The following ARHGEF33 variants were observed in gnomAD, a reference collection of about 807,000 sequenced individuals.
ARHGEF33 encodes the protein Rho guanine nucleotide exchange factor 33, also known as DH and coiled-coil domain-containing protein ENSP00000381780.
A neutral mutation model predicts 101.9 loss-of-function variants in ARHGEF33; 72 were observed. The observed-to-expected ratio is 0.71, with a 90% confidence interval of 0.58 to 0.86. The LOEUF (loss-of-function observed/expected upper bound fraction) is 0.86, where lower values mean the gene tolerates loss of function less well. Ranked by LOEUF, ARHGEF33 falls within the 40% of genes least tolerant of loss-of-function variation. The pLI is 0.00. For missense variants in ARHGEF33, 1,169 were observed against 1,111.3 expected, an observed-to-expected ratio of 1.05 and a Z score of -0.74; for synonymous variants, 499 against 442.5, an observed-to-expected ratio of 1.13 and a Z score of -1.60.
At chr2:38,958,551 G>C (rs904555511) in intron 15 of ARHGEF33, among the ~76,000 whole-genome samples, 1 of 152,152 alleles carries the variant, frequency 6.6e-6, no homozygotes, top group Non-Finnish European at 1.5e-5. Context: ...TGCACTCTGC[G>C]TATGGAAAAT....
intron 2 of ARHGEF33, among the ~76,000 whole-genome samples, chr2:38,899,937 C>T (rs558673040): frequency 6.6e-6 from 1 of 152,118 alleles, no homozygotes; most frequent in South Asian, 2.1e-4. Context: ...GACTGTAATC[C>T]TAGCACTTTG....
chr2:38,962,443 A>G (rs781562367), intron 16 of ARHGEF33, among the ~76,000 whole-genome samples: 1 of 152,216 alleles, frequency 6.6e-6, no homozygotes, highest in Non-Finnish European at 1.5e-5. Context: ...AGAAGCAAAC[A>G]ATGAGTAATA....
chr2:38,930,963 G>C, intron 6 of ARHGEF33, 146 bp from the exon 7 acceptor site: 1 of 564,162 alleles, frequency 1.8e-6, no homozygotes, highest in African/African-American at 1.9e-5. Flanking sequence ...GCTAGTATTT[G>C]ACCACTTTTA....
chr2:38,914,233 C>T (rs901736864), intron 2 of ARHGEF33, among the ~76,000 whole-genome samples: 1 of 152,202 alleles, frequency 6.6e-6, no homozygotes, highest in Non-Finnish European at 1.5e-5. Context: ...AAAACACCAA[C>T]ATGTAAGGCT....
chr2:38,911,537 G>A (rs1221406461), intron 2 of ARHGEF33, among the ~76,000 whole-genome samples: 1 of 152,164 alleles, frequency 6.6e-6, no homozygotes, highest in African/African-American at 2.4e-5. Context: ...CAGTCTAGGG[G>A]AGGGTCAGGA....
intron 10 of ARHGEF33, among the ~76,000 whole-genome samples, chr2:38,945,177 G>A (rs1306982156): frequency 6.6e-6 from 1 of 152,100 alleles, no homozygotes; most frequent in Non-Finnish European, 1.5e-5. Context: ...ATTCCATTGG[G>A]TAATATACAC....
At chr2:38,958,292 C>G (rs965936250) in intron 15 of ARHGEF33, 94 bp downstream of exon 15, 8 of 1,456,828 alleles carry the variant, frequency 5.5e-6, no homozygotes, top group Non-Finnish European at 6.5e-6. Flanking sequence ...TTCCTCCATC[C>G]CCTTTCCCCA....
At chr2:38,965,015 C>G (rs1481879649) in intron 16 of ARHGEF33, among the ~76,000 whole-genome samples, 1 of 151,884 alleles carries the variant, frequency 6.6e-6, no homozygotes, top group Non-Finnish European at 1.5e-5. Flanking sequence ...TATCTGCAAC[C>G]CCCAGTTCTC....
chr2:38,956,260 G>A (rs1183419790), intron 13 of ARHGEF33, among the ~76,000 whole-genome samples: 2 of 152,156 alleles, frequency 1.3e-5, no homozygotes, highest in Non-Finnish European at 2.9e-5. Context: ...TACTAGATGT[G>A]TGACCTGATG....
At chr2:38,918,768 G>A (rs1666690570) in intron 2 of ARHGEF33, among the ~76,000 whole-genome samples, 1 of 151,864 alleles carries the variant, frequency 6.6e-6, no homozygotes, top group South Asian at 2.1e-4. Context: ...GGGGCTGGGT[G>A]TGGTGGCTCA....
At chr2:38,923,680 G>A (rs1353135350) in intron 4 of ARHGEF33, among the ~76,000 whole-genome samples, 1 of 152,244 alleles carries the variant, frequency 6.6e-6, no homozygotes, top group East Asian at 1.9e-4. Context: ...ATTACAAGAT[G>A]TCTATATTGC....
chr2:38,938,676 A>T (rs555989549), intron 9 of ARHGEF33, among the ~76,000 whole-genome samples: 1 of 152,330 alleles, frequency 6.6e-6, no homozygotes, highest in East Asian at 1.9e-4. Flanking sequence ...CACCACCCAG[A>T]TCAAGATATA....
chr2:38,917,263 TG>T (rs1666654943), intron 2 of ARHGEF33, among the ~76,000 whole-genome samples: 1 of 151,866 alleles, frequency 6.6e-6, no homozygotes, highest in Admixed American at 6.6e-5. Flanking sequence ...GGCTAATTTT[TG>T]TATTTTTAGT....
In ARHGEF33 at chr2:38,959,853, C is replaced by T. The variant is rs2124422590; in HGVS notation, c.1548C>T (p.Pro516=). ...TTTCCCCCTAAAGACATCTGATGCC[C>T]CCAGTGAAGAAAAGCCAACAGCAGC... The part of the protein sequence containing the change: ...SSGPAITHLM[P]PVKKSQQQQS... The change falls in exon 16 of 18, where the codon CCC becomes CCT. Residue 516 remains proline (P), a synonymous_variant. Coordinates refer to ENST00000409978, the MANE Select transcript of ARHGEF33 (RefSeq NM_001145451.5). 1 of 1,548,890 alleles carries T rather than the reference C, an allele frequency of 6.5e-7. No homozygotes were observed. The highest frequency in any genetic ancestry group is 8.7e-7 in the Non-Finnish European group (1 of 1,144,962).
chr2:38,919,328 A>C, intron 2 of ARHGEF33, 35 bp from the exon 3 acceptor site: 1 of 1,000,774 alleles, frequency 1.0e-6, no homozygotes, highest in Middle Eastern at 2.1e-4. Flanking sequence ...TGACAGTTTT[A>C]CTTGTTATCC....
At chr2:38,895,001 G>A (rs1387222826) in intron 1 of ARHGEF33, among the ~76,000 whole-genome samples, 2 of 152,072 alleles carry the variant, frequency 1.3e-5, no homozygotes, top group African/African-American at 2.4e-5. Flanking sequence ...GCCAAGCTGG[G>A]AATAAACAGA....
intron 2 of ARHGEF33, among the ~76,000 whole-genome samples, chr2:38,911,337 G>A (rs1040631220): frequency 2.6e-5 from 4 of 152,130 alleles, no homozygotes. Flanking sequence ...AATTAGAAAT[G>A]TGCACTAAAG....
chr2:38,918,800 G>A (rs757454822), intron 2 of ARHGEF33, among the ~76,000 whole-genome samples: 3 of 151,754 alleles, frequency 2.0e-5, no homozygotes, highest in Non-Finnish European at 4.4e-5. Context: ...CAGCACTTTG[G>A]GAGGCCGAGG....
Position 38,934,366 on chromosome 2 carries a change from C to A in ARHGEF33, c.506-1409C>A, listed in dbSNP as rs1401821494. Reference sequence around the variant, plus strand: ...ACTTGCCTCTGCTTTTCTCTTCAGACTTATATTTTGTTACCCTCGACTTCT... The same window carrying A: ...ACTTGCCTCTGCTTTTCTCTTCAGAATTATATTTTGTTACCCTCGACTTCT... On this transcript the variant is annotated intron_variant, in intron 7 of 17. Coordinates refer to ENST00000409978, the MANE Select transcript of ARHGEF33 (RefSeq NM_001145451.5). 3.9e-5 allele frequency among the ~76,000 whole-genome samples: 6 copies of A among 152,144 alleles called. No individual in the cohort carries two copies. The South Asian group carries it at 8.3e-4, about 21-fold the overall frequency.
Sources: gnomAD v4.1 joint callset for allele counts (sites outside exome capture counted in the v4.1 genomes callset) on GRCh38, gnomAD v4.1.1 for gene constraint, MANE v1.5 for transcripts, NCBI Gene and HGNC (gene_info 2026-07-23, HGNC 2026-07-21) for gene names.